Variants in MTSS2 observed in about 807,000 individuals in gnomAD.
MTSS2 encodes the protein MTSS I-BAR domain containing 2.
Under a neutral mutation model 67.1 loss-of-function variants are expected in MTSS2, and 27 were observed. The observed-to-expected ratio is 0.40, with a 90% CI of 0.30 to 0.55. The LOEUF is 0.55. MTSS2 is among the 20% of genes least tolerant of loss of function. MTSS2 has a pLI of 0.43. For missense variants in MTSS2, 1,171 were observed against 1,067.8 expected, an observed-to-expected ratio of 1.10 and a Z score of -1.35; for synonymous variants, 624 against 468.6, an observed-to-expected ratio of 1.33 and a Z score of -4.28.
rs1461771833 is a variant in MTSS2, at chr16:70,663,899, C to T, written c.2022G>A (p.Leu674=). 3 of 1,548,466 alleles carry T rather than the reference C, an allele frequency of 1.9e-6. No homozygotes were observed. The highest frequency in any genetic ancestry group is 2.4e-5 in the East Asian group (1 of 41,274). Residue 674 remains leucine (L), a synonymous_variant, in exon 15 of 15, where the codon CTG becomes CTA. Coordinates refer to ENST00000338779, the MANE Select transcript of MTSS2 (RefSeq NM_138383.3). ...QQQLAANRHS[L]VEKLGELVAG... ...CCACCAGCTCCCCCAGCTTCTCCAC[C>T]AGGCTGTGCCGGTTGGCCGCCAGCT...
At chr16:70,682,889 A>G (rs1282193409) in intron 1 of MTSS2, among the ~76,000 whole-genome samples, 1 of 152,036 alleles carries the variant, frequency 6.6e-6, no homozygotes, top group Non-Finnish European at 1.5e-5. Flanking sequence ...AGGTTAGCTC[A>G]TTTGCCCACG....
In MTSS2 at chr16:70,661,668, G is replaced by A. The variant is rs975209869; in HGVS notation, c.*2009C>T. 9.6e-5 allele frequency: 32 copies of A among 333,260 alleles called. No individual in the cohort carries two copies. Among genetic ancestry groups the A allele is most frequent in the Non-Finnish European group, 1.7e-4 (29 of 171,924 alleles). 20.6% of individuals were successfully genotyped at this position (333,260 alleles called of 1,614,324 possible). ...GGGGTGGTCTCAGGGATGGACAAGG[G>A]GATGGAGTAGAGTATGTACAGCCCC... On this transcript the variant is annotated 3_prime_UTR_variant, in exon 15 of 15. Coordinates refer to ENST00000338779, the MANE Select transcript of MTSS2 (RefSeq NM_138383.3).
At chr16:70,680,338 C>T (rs979100964) in intron 3 of MTSS2, among the ~76,000 whole-genome samples, 2 of 152,140 alleles carry the variant, frequency 1.3e-5, no homozygotes, top group Non-Finnish European at 2.9e-5. Context: ...GCCAAACGAC[C>T]CTCCAGGTGT....
At chr16:70,685,545 C>A (rs1413522444) in intron 1 of MTSS2, among the ~76,000 whole-genome samples, 178 bp downstream of exon 1, 1 of 152,146 alleles carries the variant, frequency 6.6e-6, no homozygotes, top group Non-Finnish European at 1.5e-5. Flanking sequence ...AGCACCCACA[C>A]CCCCAGACGG....
chr16:70,679,882 G>A lies in MTSS2; in HGVS notation c.291-5C>T, dbSNP rs1227770570. 1.9e-6 allele frequency: 3 copies of A among 1,595,854 alleles called. No individual in the cohort carries two copies. The highest frequency in any genetic ancestry group is 2.5e-6 in the Non-Finnish European group (3 of 1,177,532). ...ATGAGGCTCTCCAGCAGTGCGCTGCGGAGGGCGGGCGGGAGCGCAGGTCAG... is the reference window on the plus strand; with the variant it reads ...ATGAGGCTCTCCAGCAGTGCGCTGCAGAGGGCGGGCGGGAGCGCAGGTCAG... On this transcript the variant is annotated splice_polypyrimidine_tract_variant and splice_region_variant and intron_variant, in intron 4 of 14. Transcript: ENST00000338779.
chr16:70,680,908 C>CGT, intron 2 of MTSS2, 41 bp from the exon 3 acceptor site: 1 of 1,174,318 alleles, frequency 8.5e-7, no homozygotes, highest in Non-Finnish European at 1.2e-6. Flanking sequence ...GGTGGTTGGG[C>CGT]GGGGGGGGGG....
intron 1 of MTSS2, 127 bp from the exon 2 acceptor site, chr16:70,681,152 G>A: frequency 1.2e-6 from 1 of 836,924 alleles, no homozygotes; most frequent in Non-Finnish European, 1.8e-6. Flanking sequence ...CTGCCCCATG[G>A]AGAGGGAGGC....
chr16:70,674,740 A>G (rs1597815160), intron 10 of MTSS2, among the ~76,000 whole-genome samples: 1 of 152,200 alleles, frequency 6.6e-6, no homozygotes, highest in Non-Finnish European at 1.5e-5. Context: ...GGGTACCCCC[A>G]GCCCCAGTGC....
rs1287410075 is a variant in MTSS2, at chr16:70,662,907, G to C, written c.*770C>G. 2 of 152,440 alleles carry C rather than the reference G, an allele frequency of 1.3e-5. No homozygotes were observed. Among genetic ancestry groups the C allele is most frequent in the African/African-American group, 4.8e-5 (2 of 41,466 alleles). The allele number at this position is 152,440 out of a possible 1,614,324, so 9.4% of individuals were successfully genotyped here. A position where few individuals can be genotyped will look rare whatever the true frequency, so the allele number is the denominator to read the frequency against. On this transcript the variant is annotated 3_prime_UTR_variant, in exon 15 of 15. Transcript: ENST00000338779. Reference sequence around the variant, plus strand: ...CCTGTGTGGCTGGCCGGTGACCCCAGGGCCTCCGGCCTCCTAACCCTGCTG... The same window carrying C: ...CCTGTGTGGCTGGCCGGTGACCCCACGGCCTCCGGCCTCCTAACCCTGCTG...
chr16:70,663,994 T>G lies in MTSS2; in HGVS notation c.1927A>C (p.Thr643Pro). 6.3e-7 allele frequency: 1 copy of G among 1,593,906 alleles called. No individual in the cohort carries two copies. Among genetic ancestry groups the G allele is most frequent in the Non-Finnish European group, 8.5e-7 (1 of 1,171,492 alleles). ...TCTGGGGATGGGCTGCCCCAGGCTGTGTTGGGCAGGCTGAGCCTCTTTGGG... is the reference window on the plus strand; with the variant it reads ...TCTGGGGATGGGCTGCCCCAGGCTGGGTTGGGCAGGCTGAGCCTCTTTGGG... ...ASPKRLSLPNTAWGSPSPEAA... is the reference protein window; with the variant it reads ...ASPKRLSLPNPAWGSPSPEAA... Residue 643 changes from threonine (T) to proline (P), a missense_variant, in exon 15 of 15, where the codon ACA becomes CCA. Physicochemically the swap from Thr to Pro is conservative, Grantham distance 38. This residue lies in a region of MTSS2 where 924 missense variants were observed against 756.0 expected (regional missense o/e 1.22). Coordinates refer to ENST00000338779, the MANE Select transcript of MTSS2 (RefSeq NM_138383.3).
chr16:70,667,830 G>A lies in MTSS2; in HGVS notation c.1054-2290C>T, dbSNP rs559958431. 6.6e-5 allele frequency among the ~76,000 whole-genome samples: 10 copies of A among 152,086 alleles called. No homozygotes were observed. In the South Asian group the frequency reaches 1.2e-3, roughly 19 times the overall value. On this transcript the variant is annotated intron_variant, in intron 11 of 14. Coordinates refer to ENST00000338779, the MANE Select transcript of MTSS2 (RefSeq NM_138383.3). ...TGAGGTTGCAATGAGCTGAGATCGC[G>A]CCACTGCACTCCAGCCTGGGTGACA...
rs574368270 is a variant in MTSS2, at chr16:70,664,306, T to C, written c.1615A>G (p.Thr539Ala). 1 of 1,584,770 alleles carries C rather than the reference T, an allele frequency of 6.3e-7. No individual in the cohort carries two copies. The highest frequency in any genetic ancestry group is 8.5e-7 in the Non-Finnish European group (1 of 1,169,594). Residue 539 changes from threonine (T) to alanine (A), a missense_variant, in exon 15 of 15, where the codon ACT becomes GCT. Physicochemically the swap from Thr to Ala is moderately conservative, Grantham distance 58. This residue lies in a region of MTSS2 where 924 missense variants were observed against 756.0 expected (regional missense o/e 1.22). Coordinates refer to ENST00000338779, the MANE Select transcript of MTSS2 (RefSeq NM_138383.3). ...AGCCCCGCGGTGGGCAGCCCAGCAG[T>C]GGAGGCTGGGCGCTTGGTCTGGATC... ...RLIQTKRPASTAGLPTAGLPT... is the reference protein window; with the variant it reads ...RLIQTKRPASAAGLPTAGLPT...
chr16:70,663,979 G>A lies in MTSS2; in HGVS notation c.1942C>T (p.Pro648Ser). ...LSLPNTAWGS[P>S]SPEAAGYPGA... is the part of the protein sequence containing the mutation. The stretch of plus-strand genomic sequence containing the variant: ...GGGTACCCGGCTGCCTCTGGGGATG[G>A]GCTGCCCCAGGCTGTGTTGGGCAGG... Residue 648 changes from proline (P) to serine (S), a missense_variant, in exon 15 of 15, where the codon CCA (proline) becomes TCA (serine). Transcript: ENST00000338779. 6.3e-7 allele frequency: 1 copy of A among 1,581,132 alleles called. No homozygotes were observed.
Position 70,663,324 on chromosome 16 carries a change from ATGGTGAAAGGGAGGCCAGCC to A in MTSS2, c.*333_*352del. 3.6e-6 allele frequency: 1 copy of A among 276,920 alleles called. No homozygotes were observed. The highest frequency in any genetic ancestry group is 6.8e-6 in the Non-Finnish European group (1 of 147,732). The allele number at this position is 276,920 out of a possible 1,614,324, so 17.2% of individuals were successfully genotyped here. The stretch of plus-strand genomic sequence containing the variant: ...AGGACCAGCCCTGGGAGAGGCCGGG[ATGGTGAAAGGGAGGCCAGCC>A]TGGCCCCTCTGTCATGGGCAGCGGC... On this transcript the variant is annotated 3_prime_UTR_variant, in exon 15 of 15. Transcript: ENST00000338779.
chr16:70,671,278 C>T (rs2052927003), intron 11 of MTSS2, among the ~76,000 whole-genome samples: 1 of 151,468 alleles, frequency 6.6e-6, no homozygotes, highest in Non-Finnish European at 1.5e-5. Context: ...TGGTGTGTGC[C>T]TGTAATCCCA....
chr16:70,664,526 G>A (rs566285073), intron 14 of MTSS2, 72 bp downstream of exon 14: 6 of 1,575,706 alleles, frequency 3.8e-6, no homozygotes, highest in African/African-American at 1.3e-5. Context: ...AGCACAGAGG[G>A]GGAAGGACGG....
chr16:70,671,429 C>T (rs1032202460), intron 11 of MTSS2, among the ~76,000 whole-genome samples: 7 of 150,798 alleles, frequency 4.6e-5, no homozygotes, highest in Non-Finnish European at 8.9e-5. Flanking sequence ...TCCTGAAAGA[C>T]TCAATGGTGA....
intron 11 of MTSS2, among the ~76,000 whole-genome samples, chr16:70,670,493 G>A (rs571411909): frequency 1.3e-5 from 2 of 152,108 alleles, no homozygotes; most frequent in Non-Finnish European, 2.9e-5. Flanking sequence ...CAAAAAACTG[G>A]AAACTATGCA....
rs1458424080 is a variant in MTSS2, at chr16:70,663,826, G to A, written c.2095C>T (p.Leu699=). ...GEGQFPFPTA[L]SATPTEETPT... ...GTCTCCTCCGTGGGGGTGGCCGACA[G>A]AGCAGTGGGGAAGGGGAACTGGCCC... The change falls in exon 15 of 15, where the codon CTG becomes TTG. Residue 699 remains leucine (L), a synonymous_variant. Transcript: ENST00000338779. 2.6e-6 allele frequency: 4 copies of A among 1,533,588 alleles called. No homozygotes were observed. Among genetic ancestry groups the A allele is most frequent in the South Asian group, 1.2e-5 (1 of 83,204 alleles). 95.0% of individuals were successfully genotyped at this position (1,533,588 alleles called of 1,614,324 possible).
Sources: gnomAD v4.1 joint callset for allele counts (sites outside exome capture counted in the v4.1 genomes callset) on GRCh38, gnomAD v4.1.1 for gene constraint, gnomAD v4.1.1 regional missense constraint, MANE v1.5 for transcripts, NCBI Gene and HGNC (gene_info 2026-07-23, HGNC 2026-07-21) for gene names.